The following PVT1 variants were observed in gnomAD, a reference collection of about 807,000 sequenced individuals.
PVT1 encodes the protein Pvt1 oncogene, also known as CXCR4/PVT1 fusion.
intron 3 of PVT1, among the ~76,000 whole-genome samples, chr8:127,964,324 T>A (rs1262507883): frequency 6.6e-6 from 1 of 152,216 alleles, no homozygotes; most frequent in Non-Finnish European, 1.5e-5. Flanking sequence ...GTTATGCCTG[T>A]CTTGTGGTGG....
chr8:127,832,562 C>G (rs1814861761), intron 2 of PVT1, among the ~76,000 whole-genome samples: 1 of 152,198 alleles, frequency 6.6e-6, no homozygotes, highest in South Asian at 2.1e-4. Flanking sequence ...AAGAAGAGAT[C>G]AAATTCATGC....
chr8:128,025,317 C>T (rs1586486628), intron 4 of PVT1, among the ~76,000 whole-genome samples: 1 of 152,292 alleles, frequency 6.6e-6, no homozygotes, highest in East Asian at 1.9e-4. Context: ...CTGTTTCTTG[C>T]CCTCTTTGTA....
At chr8:127,951,127 A>G (rs569296532) in intron 3 of PVT1, among the ~76,000 whole-genome samples, 85 of 152,106 alleles carry the variant, frequency 5.6e-4, no homozygotes, top group Non-Finnish European at 1.1e-3. Flanking sequence ...CGAACTCTTG[A>G]CCTCATGATC....
intron 4 of PVT1, among the ~76,000 whole-genome samples, chr8:128,067,782 C>T (rs1047930472): frequency 6.6e-6 from 1 of 152,092 alleles, no homozygotes; most frequent in African/African-American, 2.4e-5. Context: ...TGTGGGGCCT[C>T]CCTGCTTGCA....
chr8:127,865,084 T>A (rs1299957093), intron 2 of PVT1, among the ~76,000 whole-genome samples: 1 of 152,212 alleles, frequency 6.6e-6, no homozygotes, highest in Non-Finnish European at 1.5e-5. Context: ...CTTAGAGCTG[T>A]GTGGCCCTGG....
intron 3 of PVT1, among the ~76,000 whole-genome samples, chr8:127,984,867 T>TTCTTTCTTTCTTTCTTTC (rs1586467497): frequency 9.6e-5 from 7 of 73,064 alleles, no homozygotes; most frequent in South Asian, 6.4e-4. Context: ...CTTTCTTTCT[T>TTCTTTCTTTCTTTCTTTC]TCTTTCTTTC....
intron 3 of PVT1, among the ~76,000 whole-genome samples, chr8:127,984,449 T>C (rs1816921187): frequency 6.6e-6 from 1 of 152,184 alleles, no homozygotes; most frequent in Non-Finnish European, 1.5e-5. Flanking sequence ...AAACCTAATT[T>C]GCCTACCAGG....
intron 2 of PVT1, among the ~76,000 whole-genome samples, chr8:127,801,274 C>T (rs868030630): frequency 2.0e-5 from 3 of 152,158 alleles, no homozygotes; most frequent in African/African-American, 7.2e-5. Flanking sequence ...CAGAGTCTTG[C>T]TCTGTTGCCC....
At chr8:127,866,503 C>G (rs1037805782) in intron 2 of PVT1, among the ~76,000 whole-genome samples, 1 of 152,150 alleles carries the variant, frequency 6.6e-6, no homozygotes, top group Non-Finnish European at 1.5e-5. Context: ...CCCACTCCCT[C>G]TCCTTCAGCA....
chr8:127,921,852 A>ATGTTTTTT lies in PVT1; in HGVS notation n.782+30856_782+30863dup, dbSNP rs1465156415. Among the ~76,000 whole-genome samples, 124 of 81,930 alleles carry ATGTTTTTT rather than the reference A, an allele frequency of 1.5e-3. 2 individuals carry two copies. The highest frequency in any genetic ancestry group is 4.6e-3 in the African/African-American group (117 of 25,212). 53.7% of individuals were successfully genotyped at this position (81,930 alleles called of 152,430 possible). A position where few individuals can be genotyped will look rare whatever the true frequency, so the allele number is the denominator to read the frequency against. The stretch of plus-strand genomic sequence containing the variant: ...TTAAAAAAATTATAATTTTTGGTTC[A>ATGTTTTTT]TGTTTTTTTTTTTTTTTTTTTTTTT... On this transcript the variant is annotated intron_variant and non_coding_transcript_variant, in intron 3 of 10. Transcript: ENST00000651587.
intron 4 of PVT1, among the ~76,000 whole-genome samples, chr8:127,994,513 T>G (rs933516691): frequency 1.3e-5 from 2 of 152,298 alleles, no homozygotes; most frequent in Admixed American, 1.3e-4. Context: ...AATATACAGA[T>G]GTATTAGTCA....
chr8:127,875,623 G>A (rs959441503), intron 2 of PVT1, among the ~76,000 whole-genome samples: 3 of 152,026 alleles, frequency 2.0e-5, no homozygotes, highest in South Asian at 2.1e-4. Flanking sequence ...GTGATATAGC[G>A]TGTACTCCTT....
At chr8:127,872,040 T>C (rs111435093) in intron 2 of PVT1, among the ~76,000 whole-genome samples, 1,739 of 152,190 alleles carry the variant, frequency 0.011, 39 homozygotes, top group African/African-American at 0.04. Context: ...TGCAGTGAGC[T>C]GAGATCATGC....
intron 5 of PVT1, among the ~76,000 whole-genome samples, chr8:128,090,427 A>G (rs1814335943): frequency 2.6e-5 from 4 of 152,218 alleles, no homozygotes; most frequent in African/African-American, 4.8e-5. Context: ...TGAATTGGCA[A>G]TGGAGGGAAG....
chr8:128,069,025 A>C (rs7007910), intron 4 of PVT1, among the ~76,000 whole-genome samples: 52,596 of 152,158 alleles, frequency 0.35, 9,413 homozygotes, highest in Middle Eastern at 0.44. Flanking sequence ...AATTAGAAAC[A>C]AAGTGGACTC....
intron 3 of PVT1, among the ~76,000 whole-genome samples, chr8:127,911,833 C>T (rs1483060590): frequency 6.6e-6 from 1 of 152,236 alleles, no homozygotes; most frequent in Non-Finnish European, 1.5e-5. Flanking sequence ...CCTCCCTGCT[C>T]CCTTTGGCCT....
intron 5 of PVT1, among the ~76,000 whole-genome samples, chr8:128,094,092 C>T (rs1476076605): frequency 6.6e-6 from 1 of 152,112 alleles, no homozygotes; most frequent in Non-Finnish European, 1.5e-5. Context: ...GACCTGCAAA[C>T]CCAGGCTCTG....
At chr8:128,036,958 G>A (rs1447492371) in intron 4 of PVT1, among the ~76,000 whole-genome samples, 6 of 152,220 alleles carry the variant, frequency 3.9e-5, no homozygotes, top group Admixed American at 3.9e-4. Context: ...CCCACCATGG[G>A]TTTGGGCTCC....
At chr8:128,047,451 G>T (rs915991660) in intron 4 of PVT1, among the ~76,000 whole-genome samples, 2 of 152,192 alleles carry the variant, frequency 1.3e-5, no homozygotes, top group African/African-American at 4.8e-5. Flanking sequence ...TCACTAAAGA[G>T]AACTAAAACC....
Sources: allele counts gnomAD v4.1 joint callset (sites outside exome capture counted in the v4.1 genomes callset), GRCh38; gene constraint gnomAD v4.1.1; transcripts MANE v1.5; gene names NCBI Gene and HGNC (gene_info 2026-07-23, HGNC 2026-07-21).